The following TPST2 variants were observed in gnomAD, a reference collection of about 807,000 sequenced individuals.
The protein encoded by TPST2 is tyrosylprotein sulfotransferase 2.
A neutral mutation model predicts 27.8 loss-of-function variants in TPST2; 16 were observed. The observed-to-expected ratio is 0.58, with a 90% CI of 0.39 to 0.88. The LOEUF is 0.88. Ranked by LOEUF, TPST2 falls within the 40% of genes least tolerant of loss-of-function variation. TPST2 has a pLI of 0.00. For synonymous variants in TPST2, 229 were observed against 231.7 expected, an observed-to-expected ratio of 0.99 and a Z score of 0.10; for missense variants, 464 against 543.1, an observed-to-expected ratio of 0.85 and a Z score of 1.45.
At position 26,541,527 on chromosome 22, in the gene TPST2, A is replaced by G. The variant is rs777383981; in HGVS notation, c.104T>C (p.Leu35Pro). The change falls in exon 3 of 7, where the codon CTG becomes CCG. Residue 35 changes from leucine to proline, a missense_variant. By Grantham distance (98) the Leu-to-Pro change is moderately conservative (BLOSUM62 -3). Coordinates refer to ENST00000338754, the MANE Select transcript of TPST2 (RefSeq NM_003595.5). This position sits in a 1 kb window ranked among gnomAD's most constrained non-coding sequence, Gnocchi z 5.9. Reference sequence around the variant, plus strand: ...CCCCCGGGGGCTCCGCAGGCCCGCCAGCACCGCCCGGCACTCTAGCACCTG... The same window carrying G: ...CCCCCGGGGGCTCCGCAGGCCCGCCGGCACCGCCCGGCACTCTAGCACCTG... ...GQQVLECRAVLAGLRSPRGAM... is the reference protein window; with the variant it reads ...GQQVLECRAVPAGLRSPRGAM... 7.4e-6 allele frequency: 12 copies of G among 1,611,806 alleles called. No individual in the cohort carries two copies. The highest frequency in any genetic ancestry group is 1.0e-5 in the Non-Finnish European group (12 of 1,179,208).
chr22:26,543,739 A>G (rs536759640), intron 2 of TPST2, among the ~76,000 whole-genome samples: 1 of 152,358 alleles, frequency 6.6e-6, no homozygotes, highest in African/African-American at 2.4e-5. Flanking sequence ...CAGGGCAGGA[A>G]TCCTGGATCA....
intron 1 of TPST2, among the ~76,000 whole-genome samples, chr22:26,586,371 T>A (rs1928349068): frequency 1.3e-5 from 2 of 152,172 alleles, no homozygotes; most frequent in Non-Finnish European, 2.9e-5. Context: ...CACCTCAGCC[T>A]CCCGGCTATC....
In TPST2 at chr22:26,541,673, C is replaced by T. The variant is rs1432301645; in HGVS notation, c.-43G>A. On this transcript the variant is annotated 5_prime_UTR_variant, in exon 3 of 7. Transcript: ENST00000338754. This position sits in a 1 kb window ranked among gnomAD's most constrained non-coding sequence, Gnocchi z 5.9. Reference sequence around the variant, plus strand: ...GTAGGCCTGGCCTGAGGGCCCGCTTCTGGGGCTTCAGCGACAGGTTAGCGG... The same window carrying T: ...GTAGGCCTGGCCTGAGGGCCCGCTTTTGGGGCTTCAGCGACAGGTTAGCGG... 1 of 1,511,892 alleles carries T rather than the reference C, an allele frequency of 6.6e-7. No homozygotes were observed. Among genetic ancestry groups the T allele is most frequent in the Non-Finnish European group, 8.8e-7 (1 of 1,137,256 alleles). The allele number at this position is 1,511,892 out of a possible 1,614,324, so 93.7% of individuals were successfully genotyped here. A position where few individuals can be genotyped will look rare whatever the true frequency, so the allele number is the denominator to read the frequency against.
chr22:26,586,729 A>G (rs1029580023), intron 1 of TPST2, among the ~76,000 whole-genome samples: 3 of 152,242 alleles, frequency 2.0e-5, no homozygotes, highest in Non-Finnish European at 2.9e-5. Context: ...GAACACGCAG[A>G]TAAGTGCTGG....
At chr22:26,553,521 T>A (rs1227535528) in intron 1 of TPST2, among the ~76,000 whole-genome samples, 1 of 152,062 alleles carries the variant, frequency 6.6e-6, no homozygotes, top group African/African-American at 2.4e-5. Flanking sequence ...TACAGGCAAG[T>A]GCCACCATGC....
At chr22:26,580,409 G>C (rs1430624339) in intron 1 of TPST2, among the ~76,000 whole-genome samples, 1 of 152,112 alleles carries the variant, frequency 6.6e-6, no homozygotes, top group East Asian at 1.9e-4. Context: ...AGGCCCCTGG[G>C]TATCCAGGGA....
intron 1 of TPST2, among the ~76,000 whole-genome samples, chr22:26,572,237 C>G (rs938804992): frequency 6.6e-6 from 1 of 152,152 alleles, no homozygotes; most frequent in African/African-American, 2.4e-5. Context: ...TTGACCCAAT[C>G]TAGGTCAATG....
chr22:26,547,498 A>C (rs1270391539), intron 1 of TPST2: 1 of 152,162 alleles, frequency 6.6e-6, no homozygotes, highest in Non-Finnish European at 1.5e-5. Context: ...TTTCATACTC[A>C]CATCAGCCCA....
chr22:26,577,044 T>C (rs554963285), intron 1 of TPST2, among the ~76,000 whole-genome samples: 111 of 142,050 alleles, frequency 7.8e-4, no homozygotes, highest in Non-Finnish European at 1.1e-3. Context: ...TGCAGTGAGC[T>C]GAGATTGCGC....
chr22:26,534,121 A>G (rs1925320934), intron 4 of TPST2, among the ~76,000 whole-genome samples: 1 of 152,170 alleles, frequency 6.6e-6, no homozygotes, highest in Non-Finnish European at 1.5e-5. Flanking sequence ...CTCCTGTTAC[A>G]GAATCAGGGG....
chr22:26,557,588 C>T (rs1393736334), intron 1 of TPST2, among the ~76,000 whole-genome samples: 2 of 151,904 alleles, frequency 1.3e-5, no homozygotes, highest in Non-Finnish European at 2.9e-5. Flanking sequence ...CTTTGAATGC[C>T]AGGTAAGGAG....
At chr22:26,586,906 G>A (rs1463620606) in intron 1 of TPST2, among the ~76,000 whole-genome samples, 2 of 152,184 alleles carry the variant, frequency 1.3e-5, no homozygotes, top group South Asian at 2.1e-4. Context: ...TCCTAGGGGT[G>A]GGGAAGGTGC....
chr22:26,534,136 A>G (rs1043279882), intron 4 of TPST2, among the ~76,000 whole-genome samples: 1 of 152,194 alleles, frequency 6.6e-6, no homozygotes, highest in African/African-American at 2.4e-5. Context: ...CAGGGGCCAC[A>G]CATGGCTAGT....
chr22:26,576,923 C>T (rs1028515562), intron 1 of TPST2, among the ~76,000 whole-genome samples: 2 of 151,576 alleles, frequency 1.3e-5, no homozygotes, highest in East Asian at 1.9e-4. Flanking sequence ...AGTGAAACCC[C>T]GTCTCTACTA....
At chr22:26,579,294 A>G (rs1288432453) in intron 1 of TPST2, among the ~76,000 whole-genome samples, 1 of 152,244 alleles carries the variant, frequency 6.6e-6, no homozygotes, top group East Asian at 1.9e-4. Context: ...TACTGCATGC[A>G]GCTTCCAGCA....
chr22:26,563,390 G>A (rs1346060791), intron 1 of TPST2, among the ~76,000 whole-genome samples: 3 of 144,372 alleles, frequency 2.1e-5, no homozygotes, highest in South Asian at 2.2e-4. Context: ...GTGCAGTGGC[G>A]TGATCTCAGC....
chr22:26,537,758 A>G (rs1925552260), intron 3 of TPST2, among the ~76,000 whole-genome samples: 3 of 151,956 alleles, frequency 2.0e-5, no homozygotes, highest in Admixed American at 6.6e-5. Flanking sequence ...TGGCCAACAC[A>G]TTGTAAATTT....
At chr22:26,589,949 CA>C (rs1403545064) in intron 1 of TPST2, 103 bp downstream of exon 1, 1 of 151,882 alleles carries the variant, frequency 6.6e-6, no homozygotes, top group Non-Finnish European at 1.5e-5. Context: ...AGGCAGCCGC[CA>C]GGACGGAGGG....
At chr22:26,574,238 C>T (rs1456986638) in intron 1 of TPST2, among the ~76,000 whole-genome samples, 1 of 152,168 alleles carries the variant, frequency 6.6e-6, no homozygotes, top group Non-Finnish European at 1.5e-5. Context: ...ACAAAATTTT[C>T]GTTGCTATGA....
Sources: allele counts gnomAD v4.1 joint callset (sites outside exome capture counted in the v4.1 genomes callset), GRCh38; gene constraint gnomAD v4.1.1; non-coding constraint Gnocchi (gnomAD v3.1); transcripts MANE v1.5; gene names NCBI Gene and HGNC (gene_info 2026-07-23, HGNC 2026-07-21).